The following USP9Y variants were observed in gnomAD, a reference collection of about 807,000 sequenced individuals.
USP9Y encodes ubiquitin specific peptidase 9 Y-linked, also known as ubiquitin carboxyl-terminal hydrolase 9Y.
A neutral mutation model predicts 53.1 loss-of-function variants in USP9Y; 41 were observed. The ratio of observed to expected loss-of-function variants is 0.77; its 90% CI spans 0.60 to 1.00. USP9Y has a LOEUF of 1.00. Ranked by LOEUF, USP9Y falls within the 50% of genes least tolerant of loss-of-function variation. The probability of loss-of-function intolerance (pLI) is 0.00; values close to 1 mark genes in which losing one functional copy is unlikely to be tolerated. For synonymous variants in USP9Y, 220 were observed against 173.7 expected, an observed-to-expected ratio of 1.27 and a Z score of -2.09; for missense variants, 567 against 535.8, an observed-to-expected ratio of 1.06 and a Z score of -0.58.
intron 11 of USP9Y, among the ~76,000 whole-genome samples, chrY:12,738,775 C>T (rs2053454406): frequency 3.0e-5 from 1 of 33,274 alleles, no homozygotes; most frequent in East Asian, 7.9e-4. Flanking sequence ...CTCCTGACCT[C>T]GTGATCCATC....
chrY:12,755,166 T>C (rs2053467222), intron 12 of USP9Y, among the ~76,000 whole-genome samples: 4 of 29,810 alleles, frequency 1.3e-4, no homozygotes, highest in African/African-American at 2.7e-4. Context: ...TTCTTTCTTT[T>C]TTTTTTTTTT....
intron 27 of USP9Y, among the ~76,000 whole-genome samples, chrY:12,798,114 C>T: frequency 7.7e-5 from 2 of 25,912 alleles, no homozygotes; most frequent in Non-Finnish European, 1.8e-4. Context: ...TCCTTCCTTC[C>T]GTCCTTCCTT....
chrY:12,739,756 T>C, intron 12 of USP9Y, 127 bp downstream of exon 12: 1 of 123,236 alleles, frequency 8.1e-6, no homozygotes. Context: ...CATGGAAGAA[T>C]CTCTGATGAA....
intron 34 of USP9Y, among the ~76,000 whole-genome samples, chrY:12,835,016 A>G (rs998225314): frequency 3.0e-5 from 1 of 33,218 alleles, no homozygotes; most frequent in Non-Finnish European, 7.4e-5. Flanking sequence ...TTAGCATCCA[A>G]GACTTCTATA....
At chrY:12,813,148 C>CT in intron 31 of USP9Y, 96 bp downstream of exon 31, 2 of 205,506 alleles carry the variant, frequency 9.7e-6, no homozygotes, top group South Asian at 8.3e-5. Context: ...TTGTGATGGA[C>CT]TTTTTTTGAT....
chrY:12,860,335 A>G lies in USP9Y; in HGVS notation c.*919A>G. On this transcript the variant is annotated 3_prime_UTR_variant, in exon 46 of 46. Transcript: ENST00000338981. ...ATGTCAGAATGTGGTGGAGCATAAT[A>G]GATTGTATTTGGTGTGCTTGCGATT... The G allele has an allele frequency of 9.1e-5, 3 of 32,981 alleles. No homozygotes were observed. The highest frequency in any genetic ancestry group is 1.5e-4 in the Non-Finnish European group (2 of 13,450). The allele number at this position is 32,981 out of a possible 400,897, so 8.2% of individuals were successfully genotyped here.
In USP9Y at chrY:12,810,756, A is replaced by G; in HGVS notation, c.4177A>G (p.Ile1393Val). 1 of 397,642 alleles carries G rather than the reference A, an allele frequency of 2.5e-6. No individual in the cohort carries two copies. The highest frequency in any genetic ancestry group is 9.2e-5 in the East Asian group (1 of 10,846). The change falls in exon 29 of 46, where the codon ATT (isoleucine) becomes GTT (valine). Residue 1393 changes from isoleucine to valine, a missense_variant. By Grantham distance (29) the Ile-to-Val change is conservative. Transcript: ENST00000338981. ...HLLNYAYNGN[I>V]NIPNAEVLLV... ...TCTCAATTATGCTTACAATGGCAATATTAACATACCCAATGCTGAAGTTCT... is the reference window on the plus strand; with the variant it reads ...TCTCAATTATGCTTACAATGGCAATGTTAACATACCCAATGCTGAAGTTCT...
intron 45 of USP9Y, among the ~76,000 whole-genome samples, chrY:12,857,963 T>C: frequency 3.0e-5 from 1 of 33,830 alleles, no homozygotes; most frequent in South Asian, 6.4e-4. Context: ...TACCCCCTTT[T>C]GCTATTTGCT....
chrY:12,734,889 G>A (rs759635527), intron 7 of USP9Y, among the ~76,000 whole-genome samples: 15 of 31,614 alleles, frequency 4.7e-4, no homozygotes, highest in African/African-American at 1.9e-3. Flanking sequence ...GGCCAACATG[G>A]TGAAACCCCA....
intron 28 of USP9Y, among the ~76,000 whole-genome samples, 186 bp downstream of exon 28, chrY:12,810,473 G>A (rs2148288872): frequency 9.1e-5 from 3 of 32,998 alleles, no homozygotes; most frequent in South Asian, 6.7e-4. Context: ...AATACACTAC[G>A]TCTTGGAAAA....
In USP9Y at chrY:12,846,529, A is replaced by G; in HGVS notation, c.6754+11A>G. 1 of 394,121 alleles carries G rather than the reference A, an allele frequency of 2.5e-6. No individual in the cohort carries two copies. The highest frequency in any genetic ancestry group is 3.6e-6 in the Non-Finnish European group (1 of 279,273). ...AGTCTTCAATCAATGGTAAAGTAGCATGTTCCATTTCTTTTACAGCAGTTT... is the reference window on the plus strand; with the variant it reads ...AGTCTTCAATCAATGGTAAAGTAGCGTGTTCCATTTCTTTTACAGCAGTTT... On this transcript the variant is annotated intron_variant, in intron 40 of 45. Transcript: ENST00000338981.
chrY:12,859,543 T>C lies in USP9Y; in HGVS notation c.*127T>C. The C allele has an allele frequency of 4.4e-6, 1 of 225,413 alleles. No homozygotes were observed. Among genetic ancestry groups the C allele is most frequent in the Non-Finnish European group, 7.3e-6 (1 of 137,279 alleles). 56.2% of individuals were successfully genotyped at this position (225,413 alleles called of 400,897 possible). ...AAACCAACATGGAGTAAAGAGCATA[T>C]TCACTGGTTTATTTGCAGTAATTTG... On this transcript the variant is annotated 3_prime_UTR_variant, in exon 46 of 46. Coordinates refer to ENST00000338981, the MANE Select transcript of USP9Y (RefSeq NM_004654.4).
Position 12,779,624 on chromosome Y carries a change from A to G in USP9Y, c.3129A>G (p.Val1043=). The G allele has an allele frequency of 7.5e-6, 3 of 397,379 alleles. No individual in the cohort carries two copies. Among genetic ancestry groups the G allele is most frequent in the Non-Finnish European group, 1.1e-5 (3 of 282,459 alleles). ...CACCTCTTAGAGATGGAGCAAGAGT[A>G]CTTATGAAACTTATGCCACCAGGTA... ...NMPPLRDGAR[V]LMKLMPPDRT... is the part of the protein sequence containing the mutation. Residue 1043 remains valine (V), a synonymous_variant, in exon 22 of 46, where the codon GTA becomes GTG. Transcript: ENST00000338981.
chrY:12,812,838 T>C lies in USP9Y; in HGVS notation c.4395T>C (p.Ile1465=). ...TTTTTCTAACTTACTAGGAATTAAT[T>C]GATGATTTCATCTTTCCCGCATCCA... is the stretch of plus-strand genomic sequence containing the variant. The part of the protein sequence containing the change: ...KGGANLIKEL[I]DDFIFPASKV... The change falls in exon 31 of 46, where the codon ATT becomes ATC. Residue 1465 remains isoleucine, a synonymous_variant. Transcript: ENST00000338981. The C allele has an allele frequency of 2.6e-6, 1 of 390,103 alleles. No individual in the cohort carries two copies. Among genetic ancestry groups the C allele is most frequent in the Non-Finnish European group, 3.6e-6 (1 of 275,240 alleles).
At chrY:12,730,242 T>A in intron 7 of USP9Y, among the ~76,000 whole-genome samples, 11 of 33,354 alleles carry the variant, frequency 3.3e-4, no homozygotes, top group Non-Finnish European at 6.6e-4. Context: ...ATTGGAAATA[T>A]GGTATTGAAG....
chrY:12,710,899 A>G (rs2053424359), intron 3 of USP9Y, among the ~76,000 whole-genome samples: 1 of 33,326 alleles, frequency 3.0e-5, no homozygotes, highest in South Asian at 6.7e-4. Context: ...TTATCCTTCA[A>G]TGCAGCAGCC....
intron 1 of USP9Y, among the ~76,000 whole-genome samples, chrY:12,706,904 A>C: frequency 3.0e-5 from 1 of 33,125 alleles, no homozygotes; most frequent in South Asian, 6.8e-4. Flanking sequence ...TTAAAGAACA[A>C]TCTATGTCTG....
intron 15 of USP9Y, among the ~76,000 whole-genome samples, chrY:12,769,901 TC>T: frequency 3.1e-5 from 1 of 32,442 alleles, no homozygotes; most frequent in East Asian, 8.4e-4. Context: ...TCAAGTGATT[TC>T]CCTGCCTCAG....
intron 34 of USP9Y, among the ~76,000 whole-genome samples, chrY:12,836,788 C>A: frequency 6.0e-5 from 2 of 33,335 alleles, no homozygotes; most frequent in South Asian, 1.4e-3. Flanking sequence ...ACTTCTGCCT[C>A]CTGGGTTCAA....
Sources: allele counts gnomAD v4.1 joint callset (sites outside exome capture counted in the v4.1 genomes callset), GRCh38; gene constraint gnomAD v4.1.1; transcripts MANE v1.5; gene names NCBI Gene and HGNC (gene_info 2026-07-23, HGNC 2026-07-21).